MED13: variants seen among roughly 807,000 people sequenced by gnomAD.
MED13 encodes the protein mediator complex subunit 13.
In MED13, 23 loss-of-function variants were observed where a neutral mutation model predicts 225.2. The observed-to-expected ratio is 0.10, with a 90% CI of 0.07 to 0.14. The LOEUF (loss-of-function observed/expected upper bound fraction) is 0.14. MED13 is among the 10% of genes least tolerant of loss of function. The pLI is 1.00. For missense variants in MED13, 2,197 were observed against 2,594.5 expected, an observed-to-expected ratio of 0.85 and a Z score of 3.33; for synonymous variants, 942 against 889.2, an observed-to-expected ratio of 1.06 and a Z score of -1.06.
chr17:62,025,337 ATTCT>A (rs1250358363), intron 8 of MED13, among the ~76,000 whole-genome samples: 2 of 152,332 alleles, frequency 1.3e-5, no homozygotes, highest in East Asian at 1.9e-4. Flanking sequence ...ACCATAAAAC[ATTCT>A]TTATTTTTTT....
chr17:62,042,160 C>T (rs1470972333), intron 3 of MED13, among the ~76,000 whole-genome samples: 3 of 152,120 alleles, frequency 2.0e-5, no homozygotes, highest in Non-Finnish European at 4.4e-5. Context: ...AACATAGCTC[C>T]ATGAACAAAA....
chr17:61,971,297 A>C (rs941758448), intron 17 of MED13, among the ~76,000 whole-genome samples: 4 of 137,842 alleles, frequency 2.9e-5, no homozygotes, highest in African/African-American at 1.1e-4. Context: ...TTTTTTTGAG[A>C]TGGAGTTTCG....
At chr17:62,003,599 C>CAAAAAAAAAAAAAAAAAAAAAAAAAAAA (rs34451831) in intron 9 of MED13, 12 of 51,732 alleles carry the variant, frequency 2.3e-4, no homozygotes, top group Middle Eastern at 0.017. Flanking sequence ...CAGCAAAACT[C>CAAAAAAAAAAAAAAAAAAAAAAAAAAAA]AAAAAAAAAA....
chr17:61,973,924 A>G (rs2080130791), intron 16 of MED13, among the ~76,000 whole-genome samples: 1 of 152,172 alleles, frequency 6.6e-6, no homozygotes. Flanking sequence ...CAGGGGTTGC[A>G]GTGAGCCGAG....
chr17:62,049,670 G>A (rs1043880218), intron 3 of MED13, among the ~76,000 whole-genome samples: 1 of 152,174 alleles, frequency 6.6e-6, no homozygotes, highest in African/African-American at 2.4e-5. Flanking sequence ...CGTGGCTCAC[G>A]CCTGTAATCC....
intron 2 of MED13, among the ~76,000 whole-genome samples, chr17:62,060,892 G>A (rs1014127004): frequency 6.6e-6 from 1 of 151,880 alleles, no homozygotes; most frequent in Admixed American, 6.6e-5. Context: ...TAGAGATGGG[G>A]TTTCACCATG....
In MED13 at chr17:62,031,546, A is replaced by T. The variant is rs372610001; in HGVS notation, c.907T>A (p.Ser303Thr). The T allele has an allele frequency of 6.8e-5, 109 of 1,613,902 alleles. No homozygotes were observed. Among genetic ancestry groups the T allele is most frequent in the Non-Finnish European group, 8.9e-5 (105 of 1,179,964 alleles). Reference protein sequence around the residue: ...PSPVGSTHCSSSCLGVHQVPA... With the variant: ...PSPVGSTHCSTSCLGVHQVPA... Reference sequence around the variant, plus strand: ...ACTTGGTGGACACCCAAGCAAGAAGATGAACAGTGAGTGGATCCCACAGGG... The same window carrying T: ...ACTTGGTGGACACCCAAGCAAGAAGTTGAACAGTGAGTGGATCCCACAGGG... The change falls in exon 6 of 30, where the codon TCT becomes ACT. Residue 303 changes from serine (S) to threonine (T), a missense_variant. By Grantham distance (58) the Ser-to-Thr change is moderately conservative (BLOSUM62 1). This residue lies in a region of MED13 where 884 missense variants were observed against 918.5 expected (regional missense o/e 0.96). Coordinates refer to ENST00000397786, the MANE Select transcript of MED13 (RefSeq NM_005121.3).
At chr17:61,972,637 A>T in intron 17 of MED13, 90 bp downstream of exon 17, 3 of 1,207,068 alleles carry the variant, frequency 2.5e-6, no homozygotes, top group Non-Finnish European at 3.5e-6. Flanking sequence ...AAATATATTT[A>T]AAGAAAACTA....
rs773511441 is a variant in MED13, at chr17:61,984,371, C to T, written c.2692-4G>A. The T allele has an allele frequency of 2.6e-6, 4 of 1,546,020 alleles. No individual in the cohort carries two copies. Among genetic ancestry groups the T allele is most frequent in the Non-Finnish European group, 3.5e-6 (4 of 1,152,250 alleles). On this transcript the variant is annotated splice_region_variant and splice_polypyrimidine_tract_variant and intron_variant, in intron 14 of 29. Coordinates refer to ENST00000397786, the MANE Select transcript of MED13 (RefSeq NM_005121.3). ...GCTTATAGACATAAGAAAAATCCTA[C>T]AATATAAAGATGGTAGGTTTTCAGT...
intron 11 of MED13, among the ~76,000 whole-genome samples, chr17:61,987,901 C>T (rs1428848007): frequency 2.6e-5 from 4 of 151,874 alleles, no homozygotes. Context: ...TGACCCTATG[C>T]CCAGTTAATT....
chr17:61,946,890 A>G, intron 29 of MED13, 27 bp downstream of exon 29: 2 of 1,553,394 alleles, frequency 1.3e-6, no homozygotes, highest in Non-Finnish European at 1.8e-6. Context: ...TTGCAGTGAC[A>G]AACTGTTAAT....
intron 3 of MED13, among the ~76,000 whole-genome samples, chr17:62,044,223 T>C (rs2080879042): frequency 6.6e-6 from 1 of 151,510 alleles, no homozygotes; most frequent in African/African-American, 2.4e-5. Context: ...ATTCTTTCAT[T>C]TACTTCCTTA....
chr17:62,010,814 G>A lies in MED13; in HGVS notation c.1703C>T (p.Pro568Leu). 1 of 1,614,218 alleles carries A rather than the reference G, an allele frequency of 6.2e-7. No homozygotes were observed. The highest frequency in any genetic ancestry group is 8.5e-7 in the Non-Finnish European group (1 of 1,180,052). ...QHFYQMPTPD[P>L]LVPSKPMEDR... ...TTCCATTGGTTTAGAAGGAACCAAG[G>A]GATCTGGTGTTGGCATTTGATAAAA... The change falls in exon 9 of 30, where the codon CCC (proline) becomes CTC (leucine). Residue 568 changes from proline to leucine, a missense_variant. Pro to Leu is a moderately conservative substitution (Grantham distance 98). Around this residue, in one of 12 missense-constraint regions of MED13, gnomAD observed 884 missense variants for 918.5 expected, o/e 0.96. Coordinates refer to ENST00000397786, the MANE Select transcript of MED13 (RefSeq NM_005121.3).
chr17:61,977,377 C>T (rs1454190816), intron 16 of MED13, among the ~76,000 whole-genome samples: 1 of 152,200 alleles, frequency 6.6e-6, no homozygotes, highest in Non-Finnish European at 1.5e-5. Flanking sequence ...GGCTCTAATG[C>T]AGGAGCTTGC....
At chr17:62,046,680 T>C (rs1468873569) in intron 3 of MED13, among the ~76,000 whole-genome samples, 1 of 152,030 alleles carries the variant, frequency 6.6e-6, no homozygotes, top group Admixed American at 6.5e-5. Context: ...CTACAAAATC[T>C]ACAAAAATTA....
At chr17:61,960,524 G>A (rs1338337980) in intron 23 of MED13, among the ~76,000 whole-genome samples, 1 of 152,106 alleles carries the variant, frequency 6.6e-6, no homozygotes, top group Non-Finnish European at 1.5e-5. Flanking sequence ...CTATATCTTA[G>A]ATGGTACATG....
chr17:61,955,663 A>T lies in MED13; in HGVS notation c.5782+17T>A, dbSNP rs758757806. 10 of 1,585,608 alleles carry T rather than the reference A, an allele frequency of 6.3e-6. No homozygotes were observed. In the African/African-American group the frequency reaches 1.4e-4, roughly 22 times the overall value. ...TGCATAAAGAATTAAATCTGATATA[A>T]ACTAAAGATAGCTAACCTGGCATAA... On this transcript the variant is annotated intron_variant, in intron 25 of 29. Transcript: ENST00000397786.
Position 61,961,765 on chromosome 17 carries a change from C to T in MED13, c.5079G>A (p.Gln1693=). The T allele has an allele frequency of 1.2e-6, 2 of 1,613,324 alleles. No homozygotes were observed. Among genetic ancestry groups the T allele is most frequent in the Non-Finnish European group, 1.7e-6 (2 of 1,179,452 alleles). Residue 1693 remains glutamine, a synonymous_variant, in exon 22 of 30, where the codon CAG becomes CAA. Transcript: ENST00000397786. ...STVSVQIIPC[Q]YLLQPVKHED... ...CATGCTTCACAGGTTGCAACAGGTACTGACAAGGAATAATCTAAGAAGTAT... is the reference window on the plus strand; with the variant it reads ...CATGCTTCACAGGTTGCAACAGGTATTGACAAGGAATAATCTAAGAAGTAT...
At chr17:62,018,772 C>A (rs2080608013) in intron 8 of MED13, among the ~76,000 whole-genome samples, 1 of 151,578 alleles carries the variant, frequency 6.6e-6, no homozygotes. Context: ...AATACTAACT[C>A]ATTTTATATG....
Sources: gnomAD v4.1 joint callset for allele counts (sites outside exome capture counted in the v4.1 genomes callset) on GRCh38, gnomAD v4.1.1 for gene constraint, gnomAD v4.1.1 regional missense constraint, MANE v1.5 for transcripts, NCBI Gene and HGNC (gene_info 2026-07-23, HGNC 2026-07-21) for gene names.